FHIT: variants seen among roughly 807,000 people sequenced by gnomAD.
FHIT encodes bis(5'-adenosyl)-triphosphatase.
A neutral mutation model predicts 17.9 loss-of-function variants in FHIT; 19 were observed. The observed-to-expected ratio is 1.06, with a 90% CI of 0.74 to 1.56. The LOEUF (loss-of-function observed/expected upper bound fraction) is 1.56, where lower values mean the gene tolerates loss of function less well. Among genes scored for constraint, FHIT ranks in the 40% most tolerant of loss-of-function variants. The pLI, the probability that FHIT is intolerant of heterozygous loss-of-function variation, is 0.00. For synonymous variants in FHIT, 81 were observed against 69.7 expected (o/e 1.16, Z -0.81); for missense variants, 248 against 189.2 (o/e 1.31, Z -1.82).
intron 3 of FHIT, among the ~76,000 whole-genome samples, chr3:61,007,857 C>G (rs1373675066): frequency 6.6e-6 from 1 of 152,098 alleles, no homozygotes; most frequent in Admixed American, 6.5e-5. Flanking sequence ...GGAGATATAT[C>G]ACTAAATTCG....
intron 3 of FHIT, among the ~76,000 whole-genome samples, chr3:60,850,460 C>T (rs1330909744): frequency 6.6e-6 from 1 of 151,966 alleles, no homozygotes. Flanking sequence ...GCAGACTCCT[C>T]ATTCCCACCA....
chr3:61,154,613 G>A lies in FHIT; in HGVS notation c.-164+46004C>T, dbSNP rs142977892. Among the ~76,000 whole-genome samples, 526 of 152,244 alleles carry A rather than the reference G, an allele frequency of 3.5e-3. 3 individuals carry two copies. The highest frequency in any genetic ancestry group is 0.012 in the African/African-American group (503 of 41,542). ...ACCCCCTCTCCTGCTACTTCTGAAC[G>A]GCAGCGCGTGTCCTTGGGGACATGG... On this transcript the variant is annotated intron_variant, in intron 2 of 9. Coordinates refer to ENST00000492590, the MANE Select transcript of FHIT (RefSeq NM_002012.4).
chr3:60,549,920 C>T (rs1048905687), intron 4 of FHIT, among the ~76,000 whole-genome samples: 2 of 152,192 alleles, frequency 1.3e-5, no homozygotes, highest in African/African-American at 4.8e-5. Context: ...TGGCATTACT[C>T]AGTGAATGGC....
chr3:60,772,958 A>C (rs2108077932), intron 4 of FHIT, among the ~76,000 whole-genome samples: 1 of 152,302 alleles, frequency 6.6e-6, no homozygotes, highest in Non-Finnish European at 1.5e-5. Flanking sequence ...TTGCATAGCC[A>C]TCCCTACGCC....
At chr3:61,001,653 G>C (rs1199250321) in intron 3 of FHIT, among the ~76,000 whole-genome samples, 1 of 152,194 alleles carries the variant, frequency 6.6e-6, no homozygotes, top group Non-Finnish European at 1.5e-5. Context: ...TGTTCAGAAT[G>C]GGGTAGGGAA....
At chr3:60,004,001 T>C (rs951835562) in intron 7 of FHIT, among the ~76,000 whole-genome samples, 54 of 152,066 alleles carry the variant, frequency 3.6e-4, no homozygotes, top group African/African-American at 1.2e-3. Context: ...GAAACACCCA[T>C]AGCAAAATGG....
In FHIT at chr3:60,368,194, TTA is replaced by T. The variant is rs1491522683; in HGVS notation, c.103+168664_103+168665del. On this transcript the variant is annotated intron_variant, in intron 5 of 9. Coordinates refer to ENST00000492590, the MANE Select transcript of FHIT (RefSeq NM_002012.4). ...CTGTAAAATCATAAAACATATCTTT[TTA>T]AAAAAAAAAAAAAAAAGAAACTGAG... Among the ~76,000 whole-genome samples the T allele has an allele frequency of 2.0e-4, 25 of 122,376 alleles. 2 individuals are homozygous for T. The highest frequency in any genetic ancestry group is 8.3e-4 in the Admixed American group (10 of 12,114). The allele number at this position is 122,376 out of a possible 152,430, so 80.3% of individuals were successfully genotyped here.
chr3:60,570,766 A>G (rs2037350091), intron 4 of FHIT, among the ~76,000 whole-genome samples: 1 of 151,332 alleles, frequency 6.6e-6, no homozygotes, highest in African/African-American at 2.4e-5. Context: ...CTATCTCAAG[A>G]GCCTAGCGCA....
chr3:61,006,543 A>G (rs915916906), intron 3 of FHIT, among the ~76,000 whole-genome samples: 2 of 152,140 alleles, frequency 1.3e-5, no homozygotes, highest in Non-Finnish European at 2.9e-5. Flanking sequence ...CTTTCTGAAA[A>G]AAAAGTATGA....
chr3:60,764,976 T>C (rs1368773165), intron 4 of FHIT, among the ~76,000 whole-genome samples: 5 of 152,142 alleles, frequency 3.3e-5, no homozygotes, highest in Non-Finnish European at 7.4e-5. Context: ...CATCAGATAT[T>C]TACCTCAGTG....
intron 4 of FHIT, among the ~76,000 whole-genome samples, chr3:60,569,185 T>G (rs1459774864): frequency 1.3e-5 from 2 of 152,124 alleles, no homozygotes; most frequent in African/African-American, 4.8e-5. Flanking sequence ...TTTCAGGCAG[T>G]ATCTTTAAAA....
At chr3:59,776,055 G>A (rs557493421) in intron 8 of FHIT, among the ~76,000 whole-genome samples, 6 of 152,278 alleles carry the variant, frequency 3.9e-5, no homozygotes, top group Middle Eastern at 3.4e-3. Flanking sequence ...AAATGAATTC[G>A]AATTGCCTGC....
At chr3:60,753,255 A>G (rs2042505143) in intron 4 of FHIT, among the ~76,000 whole-genome samples, 2 of 152,246 alleles carry the variant, frequency 1.3e-5, no homozygotes, top group Non-Finnish European at 2.9e-5. Flanking sequence ...TTTATGAACT[A>G]TTAAAAAAAT....
intron 3 of FHIT, among the ~76,000 whole-genome samples, chr3:60,954,107 A>C (rs567142574): frequency 1.3e-5 from 2 of 152,318 alleles, no homozygotes; most frequent in African/African-American, 2.4e-5. Flanking sequence ...CCCAGAGAAG[A>C]AGCCAATCTA....
At position 60,603,815 on chromosome 3, in the gene FHIT, GCT is replaced by G. The variant is rs534175201; in HGVS notation, c.-17-66838_-17-66837del. Reference sequence around the variant, plus strand: ...GTATCCAAGGCAATAACACTATAAGGCTCTGTTTCATTTTTGTAAATAGATCT... The same window carrying G: ...GTATCCAAGGCAATAACACTATAAGGCTGTTTCATTTTTGTAAATAGATCT... On this transcript the variant is annotated intron_variant, in intron 4 of 9. Transcript: ENST00000492590. Among the ~76,000 whole-genome samples, 1,153 of 152,032 alleles carry G rather than the reference GCT, an allele frequency of 7.6e-3. 19 individuals are homozygous for G. Among genetic ancestry groups the G allele is most frequent in the Admixed American group, 8.7e-3 (133 of 15,270 alleles).
chr3:60,445,455 C>G (rs375708495), intron 5 of FHIT, among the ~76,000 whole-genome samples: 2 of 150,560 alleles, frequency 1.3e-5, no homozygotes, highest in African/African-American at 2.5e-5. Flanking sequence ...GCAAGCTATC[C>G]ACTTTTATAA....
At chr3:60,002,518 G>C (rs1421215291) in intron 7 of FHIT, among the ~76,000 whole-genome samples, 1 of 152,180 alleles carries the variant, frequency 6.6e-6, no homozygotes, top group African/African-American at 2.4e-5. Flanking sequence ...TAACATAATT[G>C]ACTTAGAAGG....
intron 2 of FHIT, among the ~76,000 whole-genome samples, chr3:61,164,148 A>G (rs1485135941): frequency 7.9e-5 from 12 of 152,216 alleles, no homozygotes; most frequent in Admixed American, 5.9e-4. Context: ...ACAAGGTCCA[A>G]TGGTATTCCA....
chr3:60,371,747 C>A (rs1285586608), intron 5 of FHIT, among the ~76,000 whole-genome samples: 1 of 151,720 alleles, frequency 6.6e-6, no homozygotes, highest in Non-Finnish European at 1.5e-5. Flanking sequence ...ATTTTATGGT[C>A]ATTTGCAAAG....
Sources: allele counts gnomAD v4.1 joint callset (sites outside exome capture counted in the v4.1 genomes callset), GRCh38; gene constraint gnomAD v4.1.1; transcripts MANE v1.5; gene names NCBI Gene and HGNC (gene_info 2026-07-23, HGNC 2026-07-21).